Variants in EIPR1 observed in about 807,000 individuals in gnomAD.
EIPR1 encodes EARP and GARP complex-interacting protein 1.
A neutral mutation model predicts 48.1 loss-of-function variants in EIPR1; 25 were observed. The observed-to-expected ratio is 0.52, with a 90% CI of 0.38 to 0.73. The LOEUF (loss-of-function observed/expected upper bound fraction) is 0.73, where lower values mean the gene tolerates loss of function less well. EIPR1 is among the 30% of genes least tolerant of loss of function. The pLI is 0.00. For missense variants in EIPR1, 415 were observed against 506.2 expected, an observed-to-expected ratio of 0.82 and a Z score of 1.73; for synonymous variants, 204 against 201.9, an observed-to-expected ratio of 1.01 and a Z score of -0.09.
At chr2:3,346,133 G>A (rs372626789) in intron 2 of EIPR1, among the ~76,000 whole-genome samples, 8 of 152,232 alleles carry the variant, frequency 5.3e-5, no homozygotes, top group East Asian at 1.9e-4. Flanking sequence ...AGGCCCATGC[G>A]GGAGGGCCAC....
In EIPR1 at chr2:3,229,104, A is replaced by T. The variant is rs115114369; in HGVS notation, c.417-14856T>A. Among the ~76,000 whole-genome samples the T allele has an allele frequency of 7.2e-3, 1,101 of 152,332 alleles. 14 individuals are homozygous for T. The highest frequency in any genetic ancestry group is 0.026 in the African/African-American group (1,063 of 41,578). ...CAGAGCAGTTGACAAGGAATAACAAAATCTTGCAGTTGTTGTCCAGTCCAG... is the reference window on the plus strand; with the variant it reads ...CAGAGCAGTTGACAAGGAATAACAATATCTTGCAGTTGTTGTCCAGTCCAG... On this transcript the variant is annotated intron_variant, in intron 4 of 8. Coordinates refer to ENST00000382125, the MANE Select transcript of EIPR1 (RefSeq NM_003310.5).
chr2:3,341,986 A>G (rs1177488122), intron 2 of EIPR1, among the ~76,000 whole-genome samples: 1 of 152,194 alleles, frequency 6.6e-6, no homozygotes, highest in East Asian at 1.9e-4. Flanking sequence ...ACTTTTTCTA[A>G]GTGATGGCAA....
intron 3 of EIPR1, among the ~76,000 whole-genome samples, chr2:3,277,392 T>A (rs1667885025): frequency 6.6e-6 from 1 of 152,242 alleles, no homozygotes; most frequent in Admixed American, 6.5e-5. Context: ...AAGGGTGATT[T>A]ACATGCGGGA....
At chr2:3,346,206 T>C (rs1423185657) in intron 2 of EIPR1, among the ~76,000 whole-genome samples, 2 of 152,210 alleles carry the variant, frequency 1.3e-5, no homozygotes, top group African/African-American at 4.8e-5. Context: ...ATTGACTCCT[T>C]GTGACTCTGG....
chr2:3,217,278 G>A (rs1665671371), intron 4 of EIPR1, among the ~76,000 whole-genome samples: 1 of 152,336 alleles, frequency 6.6e-6, no homozygotes, highest in Middle Eastern at 3.4e-3. Flanking sequence ...AGCCATAAGA[G>A]CAACACTGTA....
chr2:3,231,344 C>T (rs1386863115), intron 4 of EIPR1, among the ~76,000 whole-genome samples: 1 of 152,080 alleles, frequency 6.6e-6, no homozygotes, highest in Non-Finnish European at 1.5e-5. Context: ...CTTTTTCTTG[C>T]TTAATTCCTC....
intron 1 of EIPR1, among the ~76,000 whole-genome samples, chr2:3,364,052 C>T (rs941801685): frequency 4.6e-5 from 7 of 152,114 alleles, no homozygotes; most frequent in African/African-American, 1.7e-4. Flanking sequence ...AGCCCTCATA[C>T]ACTATTGATG....
intron 4 of EIPR1, among the ~76,000 whole-genome samples, chr2:3,246,899 A>AGAG (rs1666829428): frequency 4.1e-5 from 1 of 24,516 alleles, no homozygotes; most frequent in African/African-American, 1.6e-4. Flanking sequence ...GAGGGAGGGA[A>AGAG]GGAGGGAGAG....
chr2:3,301,945 G>A (rs778379029), intron 3 of EIPR1, among the ~76,000 whole-genome samples: 1 of 152,200 alleles, frequency 6.6e-6, no homozygotes, highest in Non-Finnish European at 1.5e-5. Flanking sequence ...AGGCGGAGCA[G>A]CGCATCAGTT....
chr2:3,222,733 C>T (rs1665936172), intron 4 of EIPR1, among the ~76,000 whole-genome samples: 1 of 152,172 alleles, frequency 6.6e-6, no homozygotes, highest in Non-Finnish European at 1.5e-5. Context: ...AGAATGACTG[C>T]CAGACTGAAA....
intron 3 of EIPR1, among the ~76,000 whole-genome samples, chr2:3,314,787 C>T (rs1572430519): frequency 1.3e-5 from 2 of 151,906 alleles, no homozygotes; most frequent in East Asian, 3.9e-4. Flanking sequence ...CTCCCCAGGA[C>T]CTGCCTCAGC....
At position 3,327,503 on chromosome 2, in the gene EIPR1, T is replaced by A. The variant is rs562460822; in HGVS notation, c.259+10514A>T. Among the ~76,000 whole-genome samples the A allele has an allele frequency of 3.9e-5, 6 of 152,222 alleles. No homozygotes were observed. In the East Asian group the frequency reaches 5.8e-4, roughly 15 times the overall value. On this transcript the variant is annotated intron_variant, in intron 3 of 8. Transcript: ENST00000382125. ...TGGCCCTTTTCCATTTTTAAAAAAA[T>A]TTTATTGTCTATACTTAAGGTCTGC...
intron 3 of EIPR1, among the ~76,000 whole-genome samples, chr2:3,287,827 C>T (rs1443152559): frequency 1.3e-5 from 2 of 150,726 alleles, no homozygotes; most frequent in African/African-American, 4.8e-5. Flanking sequence ...TCACCATGCT[C>T]CAGAAAGCTC....
At chr2:3,322,762 T>C (rs1669573808) in intron 3 of EIPR1, among the ~76,000 whole-genome samples, 1 of 152,186 alleles carries the variant, frequency 6.6e-6, no homozygotes, top group Non-Finnish European at 1.5e-5. Context: ...AAATCCGCCC[T>C]TGCACTGCGC....
At chr2:3,225,883 C>T (rs143855811) in intron 4 of EIPR1, among the ~76,000 whole-genome samples, 3 of 152,198 alleles carry the variant, frequency 2.0e-5, no homozygotes, top group African/African-American at 7.2e-5. Flanking sequence ...CAGGTGAGAT[C>T]GCGCAGTATT....
intron 4 of EIPR1, among the ~76,000 whole-genome samples, chr2:3,250,339 C>T (rs190303156): frequency 1.0e-3 from 152 of 152,348 alleles, no homozygotes; most frequent in African/African-American, 2.2e-3. Context: ...AGGTTTCAGA[C>T]GTGCATGGGG....
chr2:3,284,027 G>A (rs186631798), intron 3 of EIPR1, among the ~76,000 whole-genome samples: 3 of 152,294 alleles, frequency 2.0e-5, no homozygotes, highest in East Asian at 1.9e-4. Flanking sequence ...GAGCGGTGCA[G>A]AGGCCCAGGG....
chr2:3,356,123 G>A (rs1320336891), intron 1 of EIPR1, among the ~76,000 whole-genome samples: 8 of 152,248 alleles, frequency 5.3e-5, no homozygotes, highest in Non-Finnish European at 1.0e-4. Flanking sequence ...GAGCTCTGGA[G>A]CCGGACGGCC....
chr2:3,346,062 T>C (rs549705446), intron 2 of EIPR1, among the ~76,000 whole-genome samples: 1 of 152,314 alleles, frequency 6.6e-6, no homozygotes, highest in African/African-American at 2.4e-5. Context: ...CCAGCATGTT[T>C]TGTTCATCCG....
Sources: gnomAD v4.1 joint callset for allele counts (sites outside exome capture counted in the v4.1 genomes callset) on GRCh38, gnomAD v4.1.1 for gene constraint, MANE v1.5 for transcripts, NCBI Gene and HGNC (gene_info 2026-07-23, HGNC 2026-07-21) for gene names.